The following MUC12 variants were observed in gnomAD, a reference collection of about 807,000 sequenced individuals.
MUC12 encodes mucin 12, cell surface associated.
Under a neutral mutation model 230.8 loss-of-function variants are expected in MUC12, and 172 were observed. The ratio of observed to expected loss-of-function variants is 0.75; its 90% CI spans 0.66 to 0.85. The LOEUF is 0.85. Ranked by LOEUF, MUC12 falls within the 40% of genes least tolerant of loss-of-function variation. MUC12 has a pLI of 0.00. For missense variants in MUC12, 3,506 were observed against 5,920.6 expected, an observed-to-expected ratio of 0.59 and a Z score of 13.38; for synonymous variants, 1,259 against 2,401.9, an observed-to-expected ratio of 0.52 and a Z score of 13.91.
intron 2 of MUC12, among the ~76,000 whole-genome samples, chr7:101,006,214 CT>C (rs1793747482): frequency 6.6e-6 from 1 of 152,182 alleles, no homozygotes; most frequent in African/African-American, 2.4e-5. Context: ...GAGTTGTCTT[CT>C]TTTGGTACAT....
intron 1 of MUC12, among the ~76,000 whole-genome samples, chr7:100,978,205 C>T (rs1010643502): frequency 3.3e-5 from 5 of 152,210 alleles, no homozygotes; most frequent in African/African-American, 1.2e-4. Context: ...ACAGTGCCTG[C>T]TGGCACTAGA....
intron 1 of MUC12, among the ~76,000 whole-genome samples, chr7:100,974,825 A>AAAT (rs144350754): frequency 2.8e-3 from 418 of 151,662 alleles, no homozygotes; most frequent in Non-Finnish European, 4.8e-3. Flanking sequence ...ACCTTGTCTC[A>AAAT]AATAATAATA....
chr7:100,975,538 T>C (rs527681435), intron 1 of MUC12, among the ~76,000 whole-genome samples: 1 of 152,428 alleles, frequency 6.6e-6, no homozygotes, highest in Non-Finnish European at 1.5e-5. Context: ...CACCAAAGGC[T>C]GGCTCTGCTT....
Position 101,004,692 on chromosome 7 carries a change from A to T in MUC12, c.14129A>T (p.Glu4710Val), listed in dbSNP as rs1439883450. ...TTTACTACCTCAGGCCGCATTGCAG[A>T]ATCTACCACCTTCTATATCTCTCCA... ...AHFTTSGRIA[E>V]STTFYISPGS... Residue 4710 changes from glutamate to valine, a missense_variant, in exon 2 of 12, where the codon GAA (glutamate) becomes GTA (valine). Transcript: ENST00000536621. The T allele has an allele frequency of 9.1e-6, 14 of 1,537,788 alleles. No homozygotes were observed. Among genetic ancestry groups the T allele is most frequent in the East Asian group, 7.3e-5 (3 of 40,934 alleles).
intron 1 of MUC12, among the ~76,000 whole-genome samples, chr7:100,982,281 T>G (rs1053258109): frequency 1.3e-5 from 2 of 152,122 alleles, no homozygotes; most frequent in Non-Finnish European, 2.9e-5. Flanking sequence ...TCCCTCTGCC[T>G]TACTGTCTTC....
intron 5 of MUC12, among the ~76,000 whole-genome samples, chr7:101,009,762 CAG>C (rs1793812937): frequency 6.6e-6 from 1 of 152,108 alleles, no homozygotes; most frequent in Non-Finnish European, 1.5e-5. Context: ...GCAGTTGCAG[CAG>C]AGGGAATCGA....
At chr7:100,973,543 A>AT (rs1472716384) in intron 1 of MUC12, among the ~76,000 whole-genome samples, 1 of 36,348 alleles carries the variant, frequency 2.8e-5, no homozygotes, top group South Asian at 7.8e-4. Context: ...AAATAAATCT[A>AT]TTTTTTTAAA....
At position 100,971,841 on chromosome 7, in the gene MUC12, G is replaced by A. The variant is rs575873088; in HGVS notation, c.67+2152G>A. ...TGATGGAGGTGATGACAGCGATGAT[G>A]AAGGCCCCAGGAGTCAGCAGGTGGC... On this transcript the variant is annotated intron_variant, in intron 1 of 11. Transcript: ENST00000536621. Among the ~76,000 whole-genome samples the A allele has an allele frequency of 4.8e-4, 73 of 152,386 alleles. No homozygotes were observed. In the East Asian group the frequency reaches 0.014, roughly 28 times the overall value.
intron 10 of MUC12, 21 bp downstream of exon 10, chr7:101,015,712 G>C: frequency 6.5e-7 from 1 of 1,533,332 alleles, no homozygotes; most frequent in Non-Finnish European, 8.7e-7. Context: ...TTAAGGGCAA[G>C]GAGATGAGCA....
At position 101,018,651 on chromosome 7, in the gene MUC12, C is replaced by T; in HGVS notation, c.*15C>T. 1.3e-6 allele frequency: 2 copies of T among 1,534,880 alleles called. No individual in the cohort carries two copies. Among genetic ancestry groups the T allele is most frequent in the Non-Finnish European group, 1.7e-6 (2 of 1,145,526 alleles). ...CCACTGTGTGAGCCAACGGGGGCCTCCCACCCTCATCTAGCTCTGTTCAGG... is the reference window on the plus strand; with the variant it reads ...CCACTGTGTGAGCCAACGGGGGCCTTCCACCCTCATCTAGCTCTGTTCAGG... On this transcript the variant is annotated 3_prime_UTR_variant, in exon 12 of 12. Transcript: ENST00000536621.
chr7:101,018,858 G>T lies in MUC12; in HGVS notation c.*222G>T. 1 of 481,036 alleles carries T rather than the reference G, an allele frequency of 2.1e-6. No individual in the cohort carries two copies. Among genetic ancestry groups the T allele is most frequent in the Non-Finnish European group, 3.6e-6 (1 of 277,966 alleles). The allele number at this position is 481,036 out of a possible 1,614,324, so 29.8% of individuals were successfully genotyped here. A position where few individuals can be genotyped will look rare whatever the true frequency, so the allele number is the denominator to read the frequency against. On this transcript the variant is annotated 3_prime_UTR_variant, in exon 12 of 12. Coordinates refer to ENST00000536621, the MANE Select transcript of MUC12 (RefSeq NM_001164462.2). ...TCCGGGAGCTTCCAGACTCCCAGAA[G>T]CCTCGGCACCCCTGTCTCCTCCTGG...
Position 100,991,094 on chromosome 7 carries a change from A to C in MUC12, c.531A>C (p.Thr177=). Residue 177 remains threonine (T), a synonymous_variant, in exon 2 of 12, where the codon ACA becomes ACC. Transcript: ENST00000536621. ...ACAGCCGACCAGGCCCAACGCACAC[A>C]ATAGCGTTCCCTGACAGTACCACCA... The part of the protein sequence containing the change: ...TSHSRPGPTH[T]IAFPDSTTMP... 1 of 1,537,590 alleles carries C rather than the reference A, an allele frequency of 6.5e-7. No homozygotes were observed. Among genetic ancestry groups the C allele is most frequent in the Non-Finnish European group, 8.7e-7 (1 of 1,146,850 alleles).
chr7:100,987,260 T>C (rs1422995049), intron 1 of MUC12, among the ~76,000 whole-genome samples: 1 of 151,874 alleles, frequency 6.6e-6, no homozygotes, highest in African/African-American at 2.4e-5. Context: ...AGGGATGGGG[T>C]TTCACCATAT....
intron 1 of MUC12, among the ~76,000 whole-genome samples, chr7:100,987,298 C>T (rs1452217896): frequency 6.6e-6 from 1 of 152,112 alleles, no homozygotes; most frequent in South Asian, 2.1e-4. Flanking sequence ...GACTCCTGAC[C>T]TCAAGTGATC....
Position 101,004,439 on chromosome 7 carries a change from C to T in MUC12, c.13876C>T (p.Arg4626Cys), listed in dbSNP as rs543366087. ...HFPESSTASG[R>C]SEESRTSHSS... is the part of the protein sequence containing the mutation. ...CCCTGAAAGCTCCACAGCTTCAGGTCGTAGTGAAGAATCAAGAACTTCCCA... is the reference window on the plus strand; with the variant it reads ...CCCTGAAAGCTCCACAGCTTCAGGTTGTAGTGAAGAATCAAGAACTTCCCA... The change falls in exon 2 of 12, where the codon CGT (arginine) becomes TGT (cysteine). Residue 4626 changes from arginine to cysteine, a missense_variant. Physicochemically the swap from Arg to Cys is radical, Grantham distance 180. Transcript: ENST00000536621. 138 of 1,522,650 alleles carry T rather than the reference C, an allele frequency of 9.1e-5. 1 individual carries two copies. In the East Asian group the frequency reaches 3.0e-3, roughly 33 times the overall value. The allele number at this position is 1,522,650 out of a possible 1,614,324, so 94.3% of individuals were successfully genotyped here.
chr7:101,004,929 G>A lies in MUC12; in HGVS notation c.14366G>A (p.Gly4789Asp), dbSNP rs955621474. ...TAFPASTTTS[G>D]LSQESTTFHS... ...TTCCCTGCCAGCACCACCACCTCAG[G>A]CCTCAGTCAGGAATCAACAACTTTC... Residue 4789 changes from glycine to aspartate, a missense_variant, in exon 2 of 12, where the codon GGC becomes GAC. By Grantham distance (94) the Gly-to-Asp change is moderately conservative. Coordinates refer to ENST00000536621, the MANE Select transcript of MUC12 (RefSeq NM_001164462.2). 1 of 1,537,836 alleles carries A rather than the reference G, an allele frequency of 6.5e-7. No homozygotes were observed. Among genetic ancestry groups the A allele is most frequent in the Admixed American group, 2.0e-5 (1 of 50,990 alleles).
Position 101,004,868 on chromosome 7 carries a change from T to A in MUC12, c.14305T>A (p.Leu4769Met). 1 of 1,537,098 alleles carries A rather than the reference T, an allele frequency of 6.5e-7. No individual in the cohort carries two copies. Among genetic ancestry groups the A allele is most frequent in the Non-Finnish European group, 8.7e-7 (1 of 1,146,540 alleles). The change falls in exon 2 of 12, where the codon TTG becomes ATG. Residue 4769 changes from leucine (L) to methionine (M), a missense_variant. Transcript: ENST00000536621. The part of the protein sequence containing the change: ...SSSISGEPTS[L>M]YSQAESTHTT... ...CAGCATCAGTGGAGAACCCACCAGC[T>A]TGTATAGCCAAGCAGAGTCAACACA...
chr7:100,971,597 A>C (rs11976878), intron 1 of MUC12, among the ~76,000 whole-genome samples: 1 of 151,956 alleles, frequency 6.6e-6, no homozygotes, highest in Non-Finnish European at 1.5e-5. Context: ...AGGTACAGGC[A>C]GGGAGGAGCT....
At chr7:100,984,387 G>T (rs1272870887) in intron 1 of MUC12, among the ~76,000 whole-genome samples, 1 of 151,734 alleles carries the variant, frequency 6.6e-6, no homozygotes, top group Non-Finnish European at 1.5e-5. Flanking sequence ...CGCCCAAGGA[G>T]CTGGGATTAC....
Sources: gnomAD v4.1 joint callset for allele counts (sites outside exome capture counted in the v4.1 genomes callset) on GRCh38, gnomAD v4.1.1 for gene constraint, MANE v1.5 for transcripts, NCBI Gene and HGNC (gene_info 2026-07-23, HGNC 2026-07-21) for gene names.